Variants in COL4A2 observed in about 807,000 individuals in gnomAD.
COL4A2 encodes the protein collagen alpha-2(IV) chain.
COL4A2 carries 99 observed loss-of-function variants against 200.2 expected under a neutral mutation model. The ratio of observed to expected loss-of-function variants is 0.49; its 90% CI spans 0.42 to 0.58. The LOEUF (loss-of-function observed/expected upper bound fraction) is 0.58, where lower values mean the gene tolerates loss of function less well. Among genes scored for constraint, COL4A2 ranks in the 20% least tolerant of loss-of-function variants. COL4A2 has a pLI of 0.00. For missense variants in COL4A2, 1,950 were observed against 2,314.1 expected, an observed-to-expected ratio of 0.84 and a Z score of 3.23; for synonymous variants, 897 against 900.6, an observed-to-expected ratio of 1.00 and a Z score of 0.07.
intron 31 of COL4A2, among the ~76,000 whole-genome samples, chr13:110,481,862 G>T (rs1230243512): frequency 9.7e-5 from 7 of 72,282 alleles, no homozygotes; most frequent in South Asian, 3.6e-4. Flanking sequence ...CTGTCCCTCC[G>T]TGCTGGAGAC....
At chr13:110,407,021 C>T (rs1193107406) in intron 4 of COL4A2, among the ~76,000 whole-genome samples, 2 of 152,178 alleles carry the variant, frequency 1.3e-5, no homozygotes, top group East Asian at 1.9e-4. Flanking sequence ...CCACCCCGAT[C>T]GCCTCCTCAG....
rs1008832471 is a variant in COL4A2, at chr13:110,434,548, T to G, written c.726+106T>G. On this transcript the variant is annotated intron_variant, in intron 12 of 47. Transcript: ENST00000360467. ...TGTGCTGTAAAACTTTTACCTTGAGTTGATCTGCAGACAGACCATTTGCAT... is the reference window on the plus strand; with the variant it reads ...TGTGCTGTAAAACTTTTACCTTGAGGTGATCTGCAGACAGACCATTTGCAT... The G allele has an allele frequency of 1.0e-5, 12 of 1,179,472 alleles. No homozygotes were observed. In the African/African-American group the frequency reaches 1.5e-4, roughly 15 times the overall value. The allele number at this position is 1,179,472 out of a possible 1,614,324, so 73.1% of individuals were successfully genotyped here. A position where few individuals can be genotyped will look rare whatever the true frequency, so the allele number is the denominator to read the frequency against.
intron 3 of COL4A2, among the ~76,000 whole-genome samples, chr13:110,338,571 C>T (rs1876311823): frequency 6.6e-6 from 1 of 152,158 alleles, no homozygotes; most frequent in Non-Finnish European, 1.5e-5. Flanking sequence ...AAACAACGGG[C>T]CTCTGCCGAG....
intron 30 of COL4A2, 100 bp from the exon 31 acceptor site, chr13:110,480,120 G>T (rs1882847290): frequency 7.8e-7 from 1 of 1,285,836 alleles, no homozygotes; most frequent in East Asian, 2.5e-5. Context: ...TTCCTTCTAA[G>T]GAGCTTTTCT....
At chr13:110,412,010 A>G (rs1232694972) in intron 4 of COL4A2, among the ~76,000 whole-genome samples, 1 of 152,208 alleles carries the variant, frequency 6.6e-6, no homozygotes, top group Non-Finnish European at 1.5e-5. Flanking sequence ...TAAAAATGTC[A>G]GCTGCTGTTC....
chr13:110,393,778 C>T (rs1307193425), intron 4 of COL4A2, among the ~76,000 whole-genome samples: 5 of 152,002 alleles, frequency 3.3e-5, no homozygotes, highest in Admixed American at 6.5e-5. Flanking sequence ...ACTCAGGAGG[C>T]GGAAGCAAGA....
intron 3 of COL4A2, among the ~76,000 whole-genome samples, chr13:110,326,639 G>A (rs753229479): frequency 4.6e-5 from 7 of 152,242 alleles, no homozygotes; most frequent in Non-Finnish European, 8.8e-5. Context: ...CCTTCAGGGC[G>A]AGGTCACACA....
intron 3 of COL4A2, among the ~76,000 whole-genome samples, chr13:110,309,818 T>C (rs756968959): frequency 3.3e-5 from 5 of 151,274 alleles, no homozygotes; most frequent in African/African-American, 4.9e-5. Flanking sequence ...GGTAAAACCC[T>C]GTCTCTACTA....
chr13:110,491,208 C>G (rs1883273184), intron 36 of COL4A2, 25 bp from the exon 37 acceptor site: 2 of 1,538,672 alleles, frequency 1.3e-6, no homozygotes, highest in East Asian at 4.7e-5. Context: ...TCTGTTTGTT[C>G]CAAGCAGCAT....
At chr13:110,370,545 G>A (rs1044563354) in intron 4 of COL4A2, among the ~76,000 whole-genome samples, 1 of 152,310 alleles carries the variant, frequency 6.6e-6, no homozygotes, top group Non-Finnish European at 1.5e-5. Flanking sequence ...GTGAGCCACC[G>A]TGCACAGCTT....
At chr13:110,338,402 A>T (rs867295083) in intron 3 of COL4A2, among the ~76,000 whole-genome samples, 70 of 143,688 alleles carry the variant, frequency 4.9e-4, no homozygotes, top group African/African-American at 1.6e-3. Flanking sequence ...AACTATTAAA[A>T]CTAGGAGAAA....
At chr13:110,335,478 A>G (rs933984584) in intron 3 of COL4A2, among the ~76,000 whole-genome samples, 12 of 152,110 alleles carry the variant, frequency 7.9e-5, no homozygotes, top group African/African-American at 1.9e-4. Context: ...GCCACCATGT[A>G]AGACGTGCCT....
intron 20 of COL4A2, among the ~76,000 whole-genome samples, chr13:110,455,892 G>A (rs1249545596): frequency 6.6e-6 from 1 of 152,176 alleles, no homozygotes; most frequent in Non-Finnish European, 1.5e-5. Context: ...TCCATGTAGT[G>A]TGTATAGCAA....
intron 29 of COL4A2, 138 bp from the exon 30 acceptor site, chr13:110,477,865 C>A (rs1882755671): frequency 2.4e-6 from 2 of 847,010 alleles, no homozygotes; most frequent in Non-Finnish European, 3.3e-6. Context: ...CTTTATACTT[C>A]TTTGTGTTTT....
chr13:110,382,197 T>C (rs554659347), intron 4 of COL4A2, among the ~76,000 whole-genome samples: 1 of 152,344 alleles, frequency 6.6e-6, no homozygotes, highest in East Asian at 1.9e-4. Context: ...ATTCCAAATG[T>C]CTTCAAACAA....
chr13:110,455,651 G>A (rs572160247), intron 20 of COL4A2, among the ~76,000 whole-genome samples: 13 of 152,278 alleles, frequency 8.5e-5, no homozygotes, highest in South Asian at 2.1e-4. Context: ...GCATAGGCAC[G>A]GGATAAGTGT....
intron 4 of COL4A2, among the ~76,000 whole-genome samples, chr13:110,403,217 T>C (rs141092356): frequency 1.2e-4 from 18 of 152,344 alleles, no homozygotes; most frequent in African/African-American, 4.3e-4. Flanking sequence ...ACTCTTCTAC[T>C]ACCTGGACAG....
intron 3 of COL4A2, among the ~76,000 whole-genome samples, chr13:110,310,073 G>A (rs1183192561): frequency 1.3e-5 from 2 of 152,300 alleles, no homozygotes; most frequent in African/African-American, 2.4e-5. Context: ...CCCAGTTTCC[G>A]TACTCTGAAG....
Position 110,507,954 on chromosome 13 carries a change from G to A in COL4A2, c.4614G>A (p.Leu1538=), listed in dbSNP as rs1192557086. ...CCACAGGGCTGGCGGGCTCCTGCCTGGCGCGGTTCAGCACCATGCCCTTCC... is the reference window on the plus strand; with the variant it reads ...CCACAGGGCTGGCGGGCTCCTGCCTAGCGCGGTTCAGCACCATGCCCTTCC... ...NQDLGLAGSC[L]ARFSTMPFLY... The change falls in exon 47 of 48, where the codon CTG becomes CTA. Residue 1538 remains leucine (L), a synonymous_variant. Coordinates refer to ENST00000360467, the MANE Select transcript of COL4A2 (RefSeq NM_001846.4). The A allele has an allele frequency of 6.2e-7, 1 of 1,613,932 alleles. No homozygotes were observed. The highest frequency in any genetic ancestry group is 1.1e-5 in the South Asian group (1 of 91,088).
Sources: allele counts gnomAD v4.1 joint callset (sites outside exome capture counted in the v4.1 genomes callset), GRCh38; gene constraint gnomAD v4.1.1; transcripts MANE v1.5; gene names NCBI Gene and HGNC (gene_info 2026-07-23, HGNC 2026-07-21).